ABAT: variants seen among roughly 807,000 people sequenced by gnomAD.
The protein encoded by ABAT is 4-aminobutyrate aminotransferase, mitochondrial.
In ABAT, 45 loss-of-function variants were observed where a neutral mutation model predicts 64.6. That is an observed-to-expected ratio of 0.70 (90% confidence interval 0.55 to 0.89). ABAT has a LOEUF of 0.89. ABAT is among the 40% of genes least tolerant of loss of function. The pLI is 0.00. For synonymous variants in ABAT, 297 were observed against 250.5 expected, an observed-to-expected ratio of 1.19 and a Z score of -1.75; for missense variants, 633 against 658.4, an observed-to-expected ratio of 0.96 and a Z score of 0.42.
chr16:8,727,955 C>T lies in ABAT; in HGVS notation c.-41-7744C>T, dbSNP rs547965038. Among the ~76,000 whole-genome samples the T allele has an allele frequency of 2.6e-5, 4 of 152,242 alleles. No homozygotes were observed. In the East Asian group the frequency reaches 7.7e-4, roughly 29 times the overall value. On this transcript the variant is annotated intron_variant, in intron 1 of 15. Transcript: ENST00000268251. ...GCATGATGGCACATGCCTGTAGTCC[C>T]AGCTACTTGGACGGCTGAGATGGGA...
rs115627321 is a variant in ABAT, at chr16:8,675,587, C to T, written c.-42+876C>T. Among the ~76,000 whole-genome samples the T allele has an allele frequency of 6.9e-3, 1,056 of 152,308 alleles. 13 individuals are homozygous for T. The highest frequency in any genetic ancestry group is 0.024 in the African/African-American group (994 of 41,568). ...GCCCCACCTATTTCACATCCTCTCA[C>T]CTTTCCTCACCCACCCTGGCCAAGG... On this transcript the variant is annotated intron_variant, in intron 1 of 15. Transcript: ENST00000268251.
At chr16:8,699,190 C>A (rs1165696994) in intron 1 of ABAT, among the ~76,000 whole-genome samples, 1 of 152,156 alleles carries the variant, frequency 6.6e-6, no homozygotes, top group Non-Finnish European at 1.5e-5. Flanking sequence ...ATAGATGCCA[C>A]CTCCCAGTGA....
chr16:8,723,809 T>TTATATATATATATATATATATATATA (rs540646083), intron 1 of ABAT, among the ~76,000 whole-genome samples: 20 of 44,814 alleles, frequency 4.5e-4, no homozygotes, highest in Non-Finnish European at 6.7e-4. Flanking sequence ...TCCAAGCTTT[T>TTATATATATATATATATATATATATA]TATATATATA....
chr16:8,684,084 G>A lies in ABAT; in HGVS notation c.-42+9373G>A, dbSNP rs1056545998. Among the ~76,000 whole-genome samples the A allele has an allele frequency of 4.6e-5, 7 of 152,276 alleles. No homozygotes were observed. The East Asian group carries it at 5.8e-4, about 13-fold the overall frequency. ...AGGACCACACAGTGAGGAGAGTGCC[G>A]AAGGTGTGTGGGAGTGAATACAGGT... is the stretch of plus-strand genomic sequence containing the variant. On this transcript the variant is annotated intron_variant, in intron 1 of 15. Coordinates refer to ENST00000268251, the MANE Select transcript of ABAT (RefSeq NM_020686.6).
At chr16:8,676,565 G>A (rs1033163551) in intron 1 of ABAT, among the ~76,000 whole-genome samples, 3 of 152,180 alleles carry the variant, frequency 2.0e-5, no homozygotes, top group Non-Finnish European at 2.9e-5. Flanking sequence ...GGGTGTCAGC[G>A]CATCCCTGCT....
intron 1 of ABAT, among the ~76,000 whole-genome samples, chr16:8,684,601 C>T (rs2057410536): frequency 6.6e-6 from 1 of 151,920 alleles, no homozygotes; most frequent in African/African-American, 2.4e-5. Context: ...CACCTGTAGT[C>T]CCAGCTACTC....
chr16:8,769,315 C>G (rs1264499881), intron 11 of ABAT, among the ~76,000 whole-genome samples: 1 of 152,034 alleles, frequency 6.6e-6, no homozygotes, highest in East Asian at 1.9e-4. Context: ...GCCTGTAATC[C>G]CAGCACTTTG....
At chr16:8,692,278 G>A (rs1169671198) in intron 1 of ABAT, among the ~76,000 whole-genome samples, 2 of 152,158 alleles carry the variant, frequency 1.3e-5, no homozygotes, top group African/African-American at 4.8e-5. Flanking sequence ...CTACCCGGGA[G>A]GCTGAGTTGG....
At chr16:8,741,125 G>A (rs948904440) in intron 2 of ABAT, among the ~76,000 whole-genome samples, 2 of 152,260 alleles carry the variant, frequency 1.3e-5, no homozygotes, top group Non-Finnish European at 2.9e-5. Flanking sequence ...GGGCCAGGCT[G>A]GATGGACCAT....
chr16:8,755,609 T>TAGAC (rs2059626547), intron 5 of ABAT, among the ~76,000 whole-genome samples: 1 of 152,132 alleles, frequency 6.6e-6, no homozygotes, highest in African/African-American at 2.4e-5. Flanking sequence ...AACCAGGAGA[T>TAGAC]AGACAATGGC....
chr16:8,740,943 G>A (rs1238235805), intron 2 of ABAT, among the ~76,000 whole-genome samples: 5 of 152,358 alleles, frequency 3.3e-5, no homozygotes, highest in Admixed American at 2.0e-4. Flanking sequence ...CTTGACCTTC[G>A]TTCTGGCCAG....
Position 8,768,902 on chromosome 16 carries a change from C to G in ABAT, c.745C>G (p.Pro249Ala). 6.2e-7 allele frequency: 1 copy of G among 1,614,168 alleles called. No individual in the cohort carries two copies. The highest frequency in any genetic ancestry group is 8.5e-7 in the Non-Finnish European group (1 of 1,180,038). ...PSFDWPIAPF[P>A]RLKYPLEEFV... ...CTTTGACTGGCCCATCGCACCGTTC[C>G]CACGGCTGAAATACCCTCTGGAAGA... Residue 249 changes from proline (P) to alanine (A), a missense_variant, in exon 11 of 16, where the codon CCA becomes GCA. Pro to Ala is a conservative substitution (Grantham distance 27). Coordinates refer to ENST00000268251, the MANE Select transcript of ABAT (RefSeq NM_020686.6).
At chr16:8,737,949 A>AAAGGAAGAAAGG (rs2059005923) in intron 2 of ABAT, among the ~76,000 whole-genome samples, 5 of 23,688 alleles carry the variant, frequency 2.1e-4, no homozygotes, top group Admixed American at 5.2e-4. Context: ...GGAAAGGAAG[A>AAAGGAAGAAAGG]AAGGAAGGAA....
Position 8,773,103 on chromosome 16 carries a change from T to TAC in ABAT, c.954+187_954+188insCA, listed in dbSNP as rs1354262302. On this transcript the variant is annotated intron_variant, in intron 12 of 15. Coordinates refer to ENST00000268251, the MANE Select transcript of ABAT (RefSeq NM_020686.6). ...AAGAATGGGGATTCTTCCCTAAAAC[T>TAC]ATACACACACACACACACACACACA... 9.7e-4 allele frequency among the ~76,000 whole-genome samples: 50 copies of TAC among 51,462 alleles called. 1 individual carries two copies. Among genetic ancestry groups the TAC allele is most frequent in the African/African-American group, 3.0e-3 (46 of 15,522 alleles). The allele number at this position is 51,462 out of a possible 152,430, so 33.8% of individuals were successfully genotyped here. A position where few individuals can be genotyped will look rare whatever the true frequency, so the allele number is the denominator to read the frequency against.
At position 8,732,633 on chromosome 16, in the gene ABAT, A is replaced by G. The variant is rs1274694906; in HGVS notation, c.-41-3066A>G. On this transcript the variant is annotated intron_variant, in intron 1 of 15. Coordinates refer to ENST00000268251, the MANE Select transcript of ABAT (RefSeq NM_020686.6). ...CCCATGTCTACTTCTTTCTACACAG[A>G]CACGGCAACCATCCGATTTCTCAAT... Among the ~76,000 whole-genome samples the G allele has an allele frequency of 5.3e-5, 8 of 151,522 alleles. 1 individual carries two copies. Among genetic ancestry groups the G allele is most frequent in the Admixed American group, 5.2e-4 (8 of 15,250 alleles).
intron 1 of ABAT, among the ~76,000 whole-genome samples, chr16:8,728,009 T>C (rs574031501): frequency 3.9e-5 from 6 of 152,296 alleles, no homozygotes; most frequent in African/African-American, 1.4e-4. Flanking sequence ...CGATAGAGGC[T>C]GCAGTGAGCC....
chr16:8,747,689 A>G (rs2059372579), intron 3 of ABAT, among the ~76,000 whole-genome samples: 1 of 152,140 alleles, frequency 6.6e-6, no homozygotes, highest in Non-Finnish European at 1.5e-5. Context: ...TGGTTTATGG[A>G]GTGTTTGGAT....
chr16:8,685,392 C>T (rs1020491993), intron 1 of ABAT, among the ~76,000 whole-genome samples: 4 of 150,910 alleles, frequency 2.7e-5, no homozygotes, highest in Admixed American at 1.3e-4. Context: ...AATGTTACGC[C>T]GGGTGTGGTG....
chr16:8,735,742 GGCCTCCATGTT>G lies in ABAT; in HGVS notation c.6_16del (p.Ser3ArgfsTer23). On this transcript the variant is annotated frameshift_variant, in exon 2 of 16. Coordinates refer to ENST00000268251, the MANE Select transcript of ABAT (RefSeq NM_020686.6). LOFTEE classifies it high-confidence loss of function. Reference sequence around the variant, plus strand: ...GTGTCCCTGTCCCTCAAGGGGTCATGGCCTCCATGTTGCTCGCCCAGCGCCTGGCCTGCAGC... The same window carrying G: ...GTGTCCCTGTCCCTCAAGGGGTCATGGCTCGCCCAGCGCCTGGCCTGCAGC... The G allele has an allele frequency of 6.2e-7, 1 of 1,603,332 alleles. No homozygotes were observed. The highest frequency in any genetic ancestry group is 2.2e-5 in the East Asian group (1 of 44,674).
Sources: gnomAD v4.1 joint callset for allele counts (sites outside exome capture counted in the v4.1 genomes callset) on GRCh38, gnomAD v4.1.1 for gene constraint, MANE v1.5 for transcripts, NCBI Gene and HGNC (gene_info 2026-07-23, HGNC 2026-07-21) for gene names.